The following KDM4B variants were observed in gnomAD, a reference collection of about 807,000 sequenced individuals.
KDM4B encodes lysine-specific demethylase 4B.
KDM4B carries 32 observed loss-of-function variants against 125.2 expected under a neutral mutation model. The observed-to-expected ratio is 0.26, with a 90% confidence interval of 0.19 to 0.34. The LOEUF (loss-of-function observed/expected upper bound fraction) is 0.34. Among genes scored for constraint, KDM4B ranks in the 10% least tolerant of loss-of-function variants. The probability of loss-of-function intolerance (pLI) is 1.00; values close to 1 mark genes in which losing one functional copy is unlikely to be tolerated. For synonymous variants in KDM4B, 721 were observed against 677.9 expected, an observed-to-expected ratio of 1.06 and a Z score of -0.99; for missense variants, 1,190 against 1,577.7, an observed-to-expected ratio of 0.75 and a Z score of 4.16.
chr19:5,139,419 T>C (rs567730600), intron 18 of KDM4B, among the ~76,000 whole-genome samples: 1 of 152,310 alleles, frequency 6.6e-6, no homozygotes, highest in African/African-American at 2.4e-5. Flanking sequence ...GTTTGGAGAT[T>C]CTGATGTCAT....
At chr19:5,137,231 C>G in intron 15 of KDM4B, 31 bp from the exon 16 acceptor site, 1 of 1,543,494 alleles carries the variant, frequency 6.5e-7, no homozygotes, top group Admixed American at 2.0e-5. Flanking sequence ...ACCTGCCCCC[C>G]AGATCTCAGC....
rs534503774 is a variant in KDM4B at position 5,148,640 on chromosome 19, T to G, written c.3022-1718T>G. ...CTGCAGTGGGAGCTCTAAAACCCGC[T>G]GCTGCCCGTGGCAAAGCGGAGCCTC... On this transcript the variant is annotated intron_variant, in intron 21 of 22. Transcript: ENST00000159111. 5.9e-5 allele frequency among the ~76,000 whole-genome samples: 9 copies of G among 152,060 alleles called. 1 individual carries two copies. In the South Asian group the frequency reaches 1.7e-3, roughly 28 times the overall value.
rs373718043 is a variant in KDM4B at position 5,136,354 on chromosome 19, G to C, written c.2308+793G>C. On this transcript the variant is annotated intron_variant, in intron 15 of 22. Transcript: ENST00000159111. ...TCTGTCTCTTTCCCACGCACGGGGG[G>C]GCGGTGGCAGGAATTGGACTTTCAG... Among the ~76,000 whole-genome samples the C allele has an allele frequency of 3.7e-4, 57 of 152,334 alleles. 2 individuals carry two copies. In the East Asian group the frequency reaches 9.8e-3, roughly 26 times the overall value.
chr19:5,007,542 C>CTTTTTTTT (rs10536135), intron 1 of KDM4B, among the ~76,000 whole-genome samples: 1 of 100,758 alleles, frequency 9.9e-6, no homozygotes, highest in Non-Finnish European at 1.9e-5. Context: ...TTCTCTCTCT[C>CTTTTTTTT]TTTTTTTTTT....
chr19:5,146,649 G>A (rs2039850289), intron 21 of KDM4B, among the ~76,000 whole-genome samples: 1 of 151,994 alleles, frequency 6.6e-6, no homozygotes, highest in African/African-American at 2.4e-5. Flanking sequence ...CAGGTGGGCT[G>A]GGCGCGGTGG....
At chr19:5,047,228 T>C in intron 5 of KDM4B, 1 of 469,488 alleles carries the variant, frequency 2.1e-6, no homozygotes, top group South Asian at 3.3e-5. Flanking sequence ...TACCTGAGCC[T>C]GGGAGGTTGA....
intron 6 of KDM4B, among the ~76,000 whole-genome samples, chr19:5,052,709 C>A (rs2037268571): frequency 6.6e-6 from 1 of 152,254 alleles, no homozygotes; most frequent in African/African-American, 2.4e-5. Context: ...CTGCCCTGTC[C>A]CTTGGAGTGG....
At chr19:5,117,650 C>T (rs565989437) in intron 10 of KDM4B, among the ~76,000 whole-genome samples, 2 of 152,196 alleles carry the variant, frequency 1.3e-5, no homozygotes, top group Non-Finnish European at 2.9e-5. Context: ...TTCCCAGAGC[C>T]GTCCTTGGGC....
chr19:5,126,739 G>A (rs896134649), intron 11 of KDM4B, among the ~76,000 whole-genome samples: 8 of 152,246 alleles, frequency 5.3e-5, no homozygotes, highest in African/African-American at 9.6e-5. Flanking sequence ...CTCTGGGACC[G>A]TCAGGCGCAC....
At chr19:5,089,607 A>G (rs2038622719) in intron 9 of KDM4B, among the ~76,000 whole-genome samples, 1 of 152,070 alleles carries the variant, frequency 6.6e-6, no homozygotes, top group Non-Finnish European at 1.5e-5. Context: ...AGATTTGCCC[A>G]AGTATTGGTT....
chr19:4,978,196 C>T (rs1405362486), intron 1 of KDM4B, among the ~76,000 whole-genome samples: 1 of 152,222 alleles, frequency 6.6e-6, no homozygotes, highest in East Asian at 1.9e-4. Context: ...AAGTCGTTCT[C>T]TTGACACCCC....
At chr19:5,117,415 C>T (rs1227232678) in intron 10 of KDM4B, among the ~76,000 whole-genome samples, 1 of 152,108 alleles carries the variant, frequency 6.6e-6, no homozygotes, top group Non-Finnish European at 1.5e-5. Flanking sequence ...GGGCGCCCTT[C>T]TGCTGGTGCT....
At chr19:5,042,629 C>G (rs977167509) in intron 5 of KDM4B, among the ~76,000 whole-genome samples, 6 of 151,466 alleles carry the variant, frequency 4.0e-5, no homozygotes, top group Admixed American at 3.9e-4. Flanking sequence ...AACTTAGAGT[C>G]GTGGCAAAGG....
In KDM4B at chr19:4,991,026, G is replaced by A. The variant is rs184028806; in HGVS notation, c.-109+21796G>A. Reference sequence around the variant, plus strand: ...GTCCCAGCTACTAGGGAGGGGACAGGAGAATTGCTTGAACCCAGGAGGCGG... The same window carrying A: ...GTCCCAGCTACTAGGGAGGGGACAGAAGAATTGCTTGAACCCAGGAGGCGG... On this transcript the variant is annotated intron_variant, in intron 1 of 22. Coordinates refer to ENST00000159111, the MANE Select transcript of KDM4B (RefSeq NM_015015.3). 3.5e-3 allele frequency among the ~76,000 whole-genome samples: 537 copies of A among 152,274 alleles called. 2 individuals carry two copies. Among genetic ancestry groups the A allele is most frequent in the South Asian group, 6.0e-3 (29 of 4,822 alleles).
At chr19:5,127,728 A>G (rs2039472957) in intron 11 of KDM4B, among the ~76,000 whole-genome samples, 1 of 152,142 alleles carries the variant, frequency 6.6e-6, no homozygotes, top group Non-Finnish European at 1.5e-5. Flanking sequence ...GAGGAGGGAG[A>G]GAGCCCTACA....
At chr19:5,076,838 C>T (rs377659536) in intron 7 of KDM4B, 3 of 160,124 alleles carry the variant, frequency 1.9e-5, no homozygotes, top group African/African-American at 2.4e-5. Flanking sequence ...GACCGAGTGA[C>T]GAGAGCGGCC....
intron 11 of KDM4B, among the ~76,000 whole-genome samples, chr19:5,124,861 G>A (rs898270988): frequency 6.6e-6 from 1 of 152,192 alleles, no homozygotes; most frequent in Non-Finnish European, 1.5e-5. Flanking sequence ...CTCCCAAGGT[G>A]CTGGGATTAC....
chr19:5,051,091 C>T (rs940604557), intron 6 of KDM4B, among the ~76,000 whole-genome samples: 5 of 152,210 alleles, frequency 3.3e-5, no homozygotes, highest in South Asian at 2.1e-4. Flanking sequence ...GAAACACAGG[C>T]GTCGCCACGA....
At chr19:5,145,859 G>A (rs1271796888) in intron 21 of KDM4B, among the ~76,000 whole-genome samples, 2 of 152,204 alleles carry the variant, frequency 1.3e-5, no homozygotes, top group Non-Finnish European at 2.9e-5. Flanking sequence ...CGCACCCCGA[G>A]CCCCAAGTTC....
Sources: gnomAD v4.1 joint callset for allele counts (sites outside exome capture counted in the v4.1 genomes callset) on GRCh38, gnomAD v4.1.1 for gene constraint, MANE v1.5 for transcripts, NCBI Gene and HGNC (gene_info 2026-07-23, HGNC 2026-07-21) for gene names.